The following MYO18B variants were observed in gnomAD, a reference collection of about 807,000 sequenced individuals.
The protein encoded by MYO18B is unconventional myosin-XVIIIb.
A neutral mutation model predicts 273.0 loss-of-function variants in MYO18B; 204 were observed. The observed-to-expected ratio is 0.75, with a 90% CI of 0.67 to 0.84. The LOEUF (loss-of-function observed/expected upper bound fraction) is 0.84, where lower values mean the gene tolerates loss of function less well. Ranked by LOEUF, MYO18B falls within the 40% of genes least tolerant of loss-of-function variation. The probability of loss-of-function intolerance (pLI) is 0.00; values close to 1 mark genes in which losing one functional copy is unlikely to be tolerated. For missense variants in MYO18B, 3,212 were observed against 3,287.6 expected, an observed-to-expected ratio of 0.98 and a Z score of 0.56; for synonymous variants, 1,330 against 1,305.7, an observed-to-expected ratio of 1.02 and a Z score of -0.40.
chr22:26,027,644 T>A lies in MYO18B; in HGVS notation c.7670T>A (p.Val2557Asp). Residue 2557 changes from valine to aspartate, a missense_variant, in exon 43 of 44, where the codon GTT (valine) becomes GAT (aspartate). Val to Asp is a radical substitution (Grantham distance 152, BLOSUM62 -3). Transcript: ENST00000335473. This position sits in a 1 kb window ranked among gnomAD's most constrained non-coding sequence, Gnocchi z 4.1. ...EPGTGRKDDD[V>D]ASIMKKYLQK is the part of the protein sequence containing the mutation. ...GGGACGGGGAGGAAAGACGACGATG[T>A]TGCGAGCATAATGAAGAAATACCTC... The A allele has an allele frequency of 1.2e-6, 2 of 1,613,452 alleles. No homozygotes were observed. Among genetic ancestry groups the A allele is most frequent in the Non-Finnish European group, 1.7e-6 (2 of 1,179,604 alleles).
rs1457059633 is a variant in MYO18B, at chr22:25,911,012, C to T, written c.5326C>T (p.Gln1776Ter). The T allele has an allele frequency of 6.2e-7, 1 of 1,606,430 alleles. No homozygotes were observed. The highest frequency in any genetic ancestry group is 8.5e-7 in the Non-Finnish European group (1 of 1,176,684). ...GAAGCAGATGGTCCTCCATGAGAAG[C>T]AAGATTTGGAAGGCTTGATCGGAAC... The part of the protein sequence containing the change: ...EEKQMVLHEK[Q>*]DLEGLIGTLC... The change falls in exon 33 of 44, where the codon CAA becomes TAA. Residue 1776 changes from glutamine (Q) to a stop codon, truncating the protein, a stop_gained. Transcript: ENST00000335473. LOFTEE classifies it high-confidence loss of function.
At chr22:25,756,395 G>A (rs934267502) in intron 1 of MYO18B, 8 of 152,236 alleles carry the variant, frequency 5.3e-5, no homozygotes, top group African/African-American at 1.9e-4. Context: ...TTGGATCCTG[G>A]GATTTCACTC....
At chr22:25,958,717 T>C (rs547237110) in intron 39 of MYO18B, among the ~76,000 whole-genome samples, 2 of 152,204 alleles carry the variant, frequency 1.3e-5, no homozygotes, top group South Asian at 4.1e-4. Flanking sequence ...AAGTCTAGTC[T>C]TGCTGCTGAG....
chr22:25,811,243 G>C (rs1276022322), intron 12 of MYO18B, among the ~76,000 whole-genome samples: 1 of 150,186 alleles, frequency 6.7e-6, no homozygotes, highest in African/African-American at 2.5e-5. Flanking sequence ...GGTTGGTCTT[G>C]AACTCCTGAC....
chr22:25,882,070 T>C (rs73879581), intron 25 of MYO18B, among the ~76,000 whole-genome samples: 12,493 of 152,202 alleles, frequency 0.082, 888 homozygotes, highest in African/African-American at 0.19. Flanking sequence ...TCTTCAACAC[T>C]CTAAGGGTGG....
rs775126785 is a variant in MYO18B at position 25,908,370 on chromosome 22, C to T, written c.5197C>T (p.Gln1733Ter). The T allele has an allele frequency of 3.8e-5, 61 of 1,603,044 alleles. No individual in the cohort carries two copies. The highest frequency in any genetic ancestry group is 4.8e-5 in the Non-Finnish European group (56 of 1,175,168). ...LEIERMKQMH[Q>*]KDREDQEEEL... ...GATCGAGCGGATGAAGCAGATGCAC[C>T]AGAAGGACCGTGAGGACCAGGAGGA... is the stretch of plus-strand genomic sequence containing the variant. The change falls in exon 32 of 44, where the codon CAG becomes TAG. Residue 1733 changes from glutamine to a stop codon, truncating the protein, a stop_gained. Coordinates refer to ENST00000335473, the MANE Select transcript of MYO18B (RefSeq NM_032608.7). LOFTEE classifies it high-confidence loss of function.
chr22:25,988,616 G>A (rs1175404646), intron 39 of MYO18B, among the ~76,000 whole-genome samples: 2 of 152,088 alleles, frequency 1.3e-5, no homozygotes, highest in Non-Finnish European at 2.9e-5. Flanking sequence ...AATCTTCAGA[G>A]CCAGAGTCCT....
intron 34 of MYO18B, among the ~76,000 whole-genome samples, chr22:25,933,602 G>A (rs766920968): frequency 2.6e-5 from 4 of 152,176 alleles, no homozygotes; most frequent in Non-Finnish European, 4.4e-5. Context: ...GGCAATTAAA[G>A]TAATGGCAAA....
chr22:25,871,569 G>A (rs949481972), intron 22 of MYO18B, among the ~76,000 whole-genome samples: 2 of 152,066 alleles, frequency 1.3e-5, no homozygotes, highest in African/African-American at 2.4e-5. Flanking sequence ...TTTGTCCCCC[G>A]TGGATTCCTT....
At chr22:25,798,173 G>A (rs1373077358) in intron 12 of MYO18B, 76 bp downstream of exon 12, 53 of 1,471,358 alleles carry the variant, frequency 3.6e-5, no homozygotes, top group African/African-American at 2.4e-4. Flanking sequence ...CCCTTCTCTC[G>A]GAGCGGTGGG....
rs372991037 is a variant in MYO18B at position 25,922,544 on chromosome 22, A to G, written c.5517+1135A>G. Among the ~76,000 whole-genome samples, 7 of 152,222 alleles carry G rather than the reference A, an allele frequency of 4.6e-5. No homozygotes were observed. The East Asian group carries it at 1.3e-3, about 29-fold the overall frequency. ...CTGTTGGAAGTGTTGTGTCCATGCA[A>G]TTGATGTTACCTTCCCTCGGATAAG... On this transcript the variant is annotated intron_variant, in intron 34 of 43. Coordinates refer to ENST00000335473, the MANE Select transcript of MYO18B (RefSeq NM_032608.7).
At chr22:25,855,845 CTTGTT>C (rs2090557238) in intron 21 of MYO18B, among the ~76,000 whole-genome samples, 1 of 145,232 alleles carries the variant, frequency 6.9e-6, no homozygotes, top group Non-Finnish European at 1.5e-5. Flanking sequence ...TTTTTGAACT[CTTGTT>C]TTAGGTTCAG....
intron 18 of MYO18B, among the ~76,000 whole-genome samples, chr22:25,844,557 C>T (rs1429452105): frequency 6.6e-6 from 1 of 152,216 alleles, no homozygotes. Flanking sequence ...TTATGAGTAT[C>T]TTCTGAATCC....
At chr22:25,906,851 A>G (rs911820724) in intron 31 of MYO18B, among the ~76,000 whole-genome samples, 8 of 152,120 alleles carry the variant, frequency 5.3e-5, no homozygotes, top group African/African-American at 1.9e-4. Context: ...CTCATTCACT[A>G]TCATGAGAAA....
chr22:26,004,588 G>T (rs1934272160), intron 41 of MYO18B, 130 bp from the exon 42 acceptor site: 3 of 1,088,510 alleles, frequency 2.8e-6, no homozygotes, highest in Non-Finnish European at 3.8e-6. Flanking sequence ...CTACCTCTCT[G>T]GGATGGCGAG....
the MYO18B span, among the ~76,000 whole-genome samples, chr22:26,045,931 T>C: frequency 6.6e-6 from 1 of 152,214 alleles, no homozygotes; most frequent in African/African-American, 2.4e-5. Context: ...AACAGGTAAC[T>C]GATACAATGA....
chr22:25,877,245 G>C (rs1396626086), intron 24 of MYO18B: 1 of 152,102 alleles, frequency 6.6e-6, no homozygotes, highest in African/African-American at 2.4e-5. Flanking sequence ...TTGGAACCTA[G>C]CACCTGGGTA....
At chr22:26,036,843 G>A in the MYO18B span, among the ~76,000 whole-genome samples, 1 of 152,212 alleles carries the variant, frequency 6.6e-6, no homozygotes, top group South Asian at 2.1e-4. Flanking sequence ...AGTGTCTGTG[G>A]CTGATGGTGA....
intron 8 of MYO18B, among the ~76,000 whole-genome samples, chr22:25,779,427 G>C (rs890460485): frequency 6.6e-6 from 1 of 152,114 alleles, no homozygotes; most frequent in Non-Finnish European, 1.5e-5. Flanking sequence ...TTAACTGCTG[G>C]GCTATACTGC....
Sources: allele counts gnomAD v4.1 joint callset (sites outside exome capture counted in the v4.1 genomes callset), GRCh38; gene constraint gnomAD v4.1.1; non-coding constraint Gnocchi (gnomAD v3.1); transcripts MANE v1.5; gene names NCBI Gene and HGNC (gene_info 2026-07-23, HGNC 2026-07-21).